The following DAOA variants were observed in gnomAD, a reference collection of about 807,000 sequenced individuals.
DAOA encodes the protein D-amino acid oxidase activator.
DAOA carries 15 observed loss-of-function variants against 16.4 expected under a neutral mutation model. The ratio of observed to expected loss-of-function variants is 0.91; its 90% CI spans 0.61 to 1.41. The LOEUF (loss-of-function observed/expected upper bound fraction) is 1.41, where lower values mean the gene tolerates loss of function less well. Ranked by LOEUF, DAOA falls within the 40% of genes most tolerant of loss-of-function variation. The pLI is 0.00. For synonymous variants in DAOA, 75 were observed against 59.1 expected (o/e 1.27, Z -1.23); for missense variants, 230 against 176.8 (o/e 1.30, Z -1.71).
At chr13:105,487,184 T>C (rs550620312) in intron 4 of DAOA, among the ~76,000 whole-genome samples, 4 of 152,146 alleles carry the variant, frequency 2.6e-5, no homozygotes, top group African/African-American at 4.8e-5. Flanking sequence ...GTCTCACATA[T>C]ATGCAATTAT....
intron 4 of DAOA, among the ~76,000 whole-genome samples, chr13:105,477,954 T>G (rs1490989237): frequency 6.6e-6 from 1 of 152,230 alleles, no homozygotes; most frequent in East Asian, 1.9e-4. Context: ...TGTTTAAGAC[T>G]TTGCCTCAAA....
chr13:105,466,987 A>T, intron 2 of DAOA, 66 bp from the exon 3 acceptor site: 1 of 1,519,992 alleles, frequency 6.6e-7, no homozygotes, highest in Non-Finnish European at 8.8e-7. Flanking sequence ...GATGTTGCTT[A>T]TTCTTTCTCT....
intron 4 of DAOA, among the ~76,000 whole-genome samples, chr13:105,488,497 C>T (rs1052576948): frequency 3.3e-5 from 5 of 152,184 alleles, no homozygotes; most frequent in African/African-American, 7.2e-5. Flanking sequence ...AGGCACATAA[C>T]ATCTTACGTA....
intron 4 of DAOA, among the ~76,000 whole-genome samples, chr13:105,484,107 G>A (rs1582188): frequency 0.83 from 126,745 of 152,104 alleles, 52,905 homozygotes; most frequent in East Asian, 0.96. Flanking sequence ...ATGTTCCAAC[G>A]TCATTTGTTG....
chr13:105,474,448 T>C (rs1016561866), intron 4 of DAOA, among the ~76,000 whole-genome samples: 1 of 152,098 alleles, frequency 6.6e-6, no homozygotes, highest in African/African-American at 2.4e-5. Flanking sequence ...CTATTCTGCT[T>C]CTTCAAAATT....
intron 4 of DAOA, 31 bp downstream of exon 4, chr13:105,472,716 C>T (rs992098530): frequency 6.3e-7 from 1 of 1,576,214 alleles, no homozygotes. Context: ...AAACTTTTAA[C>T]CAGGAGAAAG....
At chr13:105,483,083 T>G (rs1030624951) in intron 4 of DAOA, among the ~76,000 whole-genome samples, 3 of 152,126 alleles carry the variant, frequency 2.0e-5, no homozygotes, top group African/African-American at 7.2e-5. Flanking sequence ...AAATAAGTAA[T>G]TTTTTTCATT....
intron 4 of DAOA, among the ~76,000 whole-genome samples, chr13:105,478,065 G>GATA (rs1877464131): frequency 6.6e-6 from 1 of 152,064 alleles, no homozygotes; most frequent in Non-Finnish European, 1.5e-5. Context: ...AAATATATTT[G>GATA]GTTTCTTGGT....
chr13:105,483,866 C>T (rs1488150001), intron 4 of DAOA, among the ~76,000 whole-genome samples: 8 of 151,786 alleles, frequency 5.3e-5, no homozygotes, highest in East Asian at 1.9e-4. Flanking sequence ...TTTGTTGTTG[C>T]GATTGTTTAA....
intron 3 of DAOA, among the ~76,000 whole-genome samples, chr13:105,471,359 A>G (rs1876943600): frequency 6.6e-6 from 1 of 152,180 alleles, no homozygotes; most frequent in Non-Finnish European, 1.5e-5. Context: ...AATAAATGGT[A>G]TAAAATTTGG....
chr13:105,467,826 T>C (rs1342860190), intron 3 of DAOA: 1 of 151,370 alleles, frequency 6.6e-6, no homozygotes, highest in Non-Finnish European at 1.5e-5. Context: ...TGCCAAGATA[T>C]AGCCTTGTCT....
At chr13:105,472,392 G>A in intron 3 of DAOA, 146 bp from the exon 4 acceptor site, 9 of 1,088,078 alleles carry the variant, frequency 8.3e-6, no homozygotes, top group Non-Finnish European at 1.0e-5. Context: ...AGTCTCTGAG[G>A]GAATTTTGTC....
intron 4 of DAOA, among the ~76,000 whole-genome samples, chr13:105,478,566 T>C (rs530830333): frequency 1.3e-5 from 2 of 152,282 alleles, no homozygotes; most frequent in East Asian, 1.9e-4. Context: ...TAAAGGAATA[T>C]AGGAAAAGGG....
Position 105,490,175 on chromosome 13 carries a change from C to A in DAOA, c.*94C>A. ...ACTCTGACGGACTCTGTGTCTGGGACCCAGCTGATAACACGTGGTAATATG... is the reference window on the plus strand; with the variant it reads ...ACTCTGACGGACTCTGTGTCTGGGAACCAGCTGATAACACGTGGTAATATG... On this transcript the variant is annotated 3_prime_UTR_variant, in exon 5 of 6. Coordinates refer to ENST00000375936, the MANE Select transcript of DAOA (RefSeq NM_172370.5). 1.4e-6 allele frequency: 2 copies of A among 1,395,276 alleles called. No individual in the cohort carries two copies. The highest frequency in any genetic ancestry group is 1.9e-6 in the Non-Finnish European group (2 of 1,065,958). The allele number at this position is 1,395,276 out of a possible 1,614,324, so 86.4% of individuals were successfully genotyped here.
intron 4 of DAOA, among the ~76,000 whole-genome samples, chr13:105,488,053 CG>C (rs1355977367): frequency 6.6e-6 from 1 of 152,052 alleles, no homozygotes; most frequent in African/African-American, 2.4e-5. Context: ...CTTAAAAGCA[CG>C]GGAACTTATC....
chr13:105,469,228 T>C (rs1000321049), intron 3 of DAOA, among the ~76,000 whole-genome samples: 2 of 152,184 alleles, frequency 1.3e-5, no homozygotes, highest in Non-Finnish European at 2.9e-5. Context: ...TTCCTTATGT[T>C]CTCTTATCAC....
chr13:105,467,869 C>A (rs909259425), intron 3 of DAOA: 1 of 151,782 alleles, frequency 6.6e-6, no homozygotes, highest in Admixed American at 6.6e-5. Flanking sequence ...CAAATAAGCA[C>A]AAATTTAGTG....
At chr13:105,488,971 G>A (rs988362270) in intron 4 of DAOA, among the ~76,000 whole-genome samples, 5 of 152,052 alleles carry the variant, frequency 3.3e-5, no homozygotes, top group Non-Finnish European at 7.4e-5. Context: ...AAGGATAATG[G>A]GACACACAAC....
At chr13:105,469,599 T>C (rs1876783946) in intron 3 of DAOA, among the ~76,000 whole-genome samples, 2 of 152,174 alleles carry the variant, frequency 1.3e-5, no homozygotes, top group South Asian at 4.1e-4. Context: ...GTTGTGAGAG[T>C]TTACAGATTT....
Sources: gnomAD v4.1 joint callset for allele counts (sites outside exome capture counted in the v4.1 genomes callset) on GRCh38, gnomAD v4.1.1 for gene constraint, MANE v1.5 for transcripts, NCBI Gene and HGNC (gene_info 2026-07-23, HGNC 2026-07-21) for gene names.